RPL22: variants seen among roughly 807,000 people sequenced by gnomAD.
The protein encoded by RPL22 is large ribosomal subunit protein eL22.
Under a neutral mutation model 16.2 loss-of-function variants are expected in RPL22, and 4 were observed. The observed-to-expected ratio is 0.25, with a 90% confidence interval of 0.12 to 0.57. RPL22 has a LOEUF of 0.57. Among genes scored for constraint, RPL22 ranks in the 20% least tolerant of loss-of-function variants. RPL22 has a pLI of 0.92. For synonymous variants in RPL22, 43 were observed against 54.8 expected (o/e 0.78, Z 0.95); for missense variants, 83 against 156.1 (o/e 0.53, Z 2.49).
intron 3 of RPL22, among the ~76,000 whole-genome samples, chr1:6,190,618 A>T (rs1364002568): frequency 6.6e-6 from 1 of 152,162 alleles, no homozygotes; most frequent in East Asian, 1.9e-4. Flanking sequence ...ACCTCAGGTG[A>T]TCCTCTGACC....
At chr1:6,187,082 C>A (rs1667591120) in intron 3 of RPL22, among the ~76,000 whole-genome samples, 1 of 151,996 alleles carries the variant, frequency 6.6e-6, no homozygotes, top group Non-Finnish European at 1.5e-5. Flanking sequence ...CCAAGGCAGG[C>A]AGATCACTTG....
At chr1:6,195,612 C>G (rs1443767049) in intron 2 of RPL22, among the ~76,000 whole-genome samples, 1 of 151,204 alleles carries the variant, frequency 6.6e-6, no homozygotes, top group Admixed American at 6.6e-5. Context: ...ATTAGGTGGG[C>G]ATGGTGGCAC....
chr1:6,196,909 A>T (rs1377536376), intron 2 of RPL22, among the ~76,000 whole-genome samples: 1 of 152,270 alleles, frequency 6.6e-6, no homozygotes, highest in Non-Finnish European at 1.5e-5. Context: ...ACATCAAAGC[A>T]GTGAGACCCA....
At chr1:6,194,998 C>T (rs560489428) in intron 2 of RPL22, among the ~76,000 whole-genome samples, 1 of 152,000 alleles carries the variant, frequency 6.6e-6, no homozygotes, top group African/African-American at 2.4e-5. Context: ...ATTAGCCAGG[C>T]GTGGTGGCGG....
intron 2 of RPL22, among the ~76,000 whole-genome samples, chr1:6,193,263 C>A (rs1667674667): frequency 6.6e-6 from 1 of 152,126 alleles, no homozygotes; most frequent in Non-Finnish European, 1.5e-5. Context: ...CCACCTCAGC[C>A]TCTCAAAGTG....
chr1:6,187,986 G>C (rs1404275198), intron 3 of RPL22, among the ~76,000 whole-genome samples: 1 of 152,200 alleles, frequency 6.6e-6, no homozygotes, highest in East Asian at 1.9e-4. Context: ...AAGCCTTTCA[G>C]TCAGCCTGCC....
At chr1:6,199,359 C>T (rs1324634278) in intron 1 of RPL22, 2 of 1,321,816 alleles carry the variant, frequency 1.5e-6, no homozygotes, top group Non-Finnish European at 1.9e-6. Context: ...TCCCGGATCT[C>T]CCTCACGAGC....
At chr1:6,193,567 T>C (rs1406148549) in intron 2 of RPL22, among the ~76,000 whole-genome samples, 1 of 151,912 alleles carries the variant, frequency 6.6e-6, no homozygotes, top group Admixed American at 6.6e-5. Flanking sequence ...AGGTGATTCG[T>C]CCACCTCTGC....
intron 3 of RPL22, among the ~76,000 whole-genome samples, chr1:6,190,053 C>T (rs892309045): frequency 6.6e-6 from 1 of 152,326 alleles, no homozygotes; most frequent in South Asian, 2.1e-4. Context: ...ATGATTAAGG[C>T]ACCTTCCCTA....
intron 3 of RPL22, among the ~76,000 whole-genome samples, chr1:6,188,221 G>A (rs1218441895): frequency 6.6e-6 from 1 of 152,158 alleles, no homozygotes; most frequent in Admixed American, 6.5e-5. Flanking sequence ...CAGTAGAGAT[G>A]GGGGTTTTGC....
chr1:6,195,198 C>T (rs1667700143), intron 2 of RPL22, among the ~76,000 whole-genome samples: 1 of 151,508 alleles, frequency 6.6e-6, no homozygotes, highest in Non-Finnish European at 1.5e-5. Flanking sequence ...GTAATCCCAA[C>T]ACTTTGGGAG....
chr1:6,187,627 C>CAAAAAAAAAAAAAAAA (rs1211311688), intron 3 of RPL22, among the ~76,000 whole-genome samples: 1 of 115,510 alleles, frequency 8.7e-6, no homozygotes, highest in Non-Finnish European at 1.8e-5. Context: ...AAAAAAAAAA[C>CAAAAAAAAAAAAAAAA]AAAAAAAAAA....
At chr1:6,198,347 G>A (rs1002596919) in intron 1 of RPL22, 1 of 152,518 alleles carries the variant, frequency 6.6e-6, no homozygotes, top group Non-Finnish European at 1.5e-5. Flanking sequence ...CTAAAACCTA[G>A]AATCTTATTA....
chr1:6,193,180 A>T, intron 2 of RPL22, 126 bp from the exon 3 acceptor site: 1 of 1,155,868 alleles, frequency 8.7e-7, no homozygotes, highest in Admixed American at 1.9e-5. Context: ...GAGTCTCACC[A>T]GCGCAATCAC....
At position 6,199,376 on chromosome 1, in the gene RPL22, C is replaced by T. The variant is rs1667765077; in HGVS notation, c.12+186G>A. 3.8e-6 allele frequency: 5 copies of T among 1,330,842 alleles called. No individual in the cohort carries two copies. In the South Asian group the frequency reaches 8.6e-5, roughly 23 times the overall value. 82.4% of individuals were successfully genotyped at this position (1,330,842 alleles called of 1,614,324 possible). A position where few individuals can be genotyped will look rare whatever the true frequency, so the allele number is the denominator to read the frequency against. On this transcript the variant is annotated intron_variant, in intron 1 of 3. Coordinates refer to ENST00000234875, the MANE Select transcript of RPL22 (RefSeq NM_000983.4). ...CCGGATCTCCCTCACGAGCCTCGGG[C>T]CGCGGCCTCCTCCGCCTACAACGTG...
chr1:6,195,007 G>A (rs1476099658), intron 2 of RPL22, among the ~76,000 whole-genome samples: 1 of 150,870 alleles, frequency 6.6e-6, no homozygotes, highest in Admixed American at 6.6e-5. Context: ...GCGTGGTGGC[G>A]GGCGCCTGTT....
At chr1:6,198,680 A>C (rs1257462603) in intron 1 of RPL22, 1 of 152,220 alleles carries the variant, frequency 6.6e-6, no homozygotes, top group African/African-American at 2.4e-5. Flanking sequence ...CCACTACAAA[A>C]ATCACTGATT....
chr1:6,197,141 T>C (rs1215904835), intron 2 of RPL22, among the ~76,000 whole-genome samples: 3 of 152,362 alleles, frequency 2.0e-5, no homozygotes, highest in Admixed American at 1.3e-4. Flanking sequence ...GCGATTCTTC[T>C]ACTGCAGCCT....
intron 2 of RPL22, among the ~76,000 whole-genome samples, chr1:6,194,498 A>G (rs1322583698): frequency 2.0e-5 from 3 of 152,342 alleles, no homozygotes; most frequent in South Asian, 2.1e-4. Flanking sequence ...TTGCCCAAAA[A>G]GGACCTTTTT....
Sources: allele counts gnomAD v4.1 joint callset (sites outside exome capture counted in the v4.1 genomes callset), GRCh38; gene constraint gnomAD v4.1.1; transcripts MANE v1.5; gene names NCBI Gene and HGNC (gene_info 2026-07-23, HGNC 2026-07-21).